The following DNAJC1 variants were observed in gnomAD, a reference collection of about 807,000 sequenced individuals.
The protein encoded by DNAJC1 is DnaJ heat shock protein family (Hsp40) member C1, also known as dnaJ homolog subfamily C member 1.
DNAJC1 carries 58 observed loss-of-function variants against 76.6 expected under a neutral mutation model. The ratio of observed to expected loss-of-function variants is 0.76; its 90% CI spans 0.61 to 0.94. The LOEUF (loss-of-function observed/expected upper bound fraction) is 0.94. Ranked by LOEUF, DNAJC1 falls within the 40% of genes least tolerant of loss-of-function variation. The pLI, the probability that DNAJC1 is intolerant of heterozygous loss-of-function variation, is 0.00. For missense variants in DNAJC1, 689 were observed against 677.3 expected (o/e 1.02, Z -0.19); for synonymous variants, 258 against 267.9 (o/e 0.96, Z 0.36).
chr10:21,846,076 T>G (rs897425632), intron 8 of DNAJC1, among the ~76,000 whole-genome samples: 1 of 152,198 alleles, frequency 6.6e-6, no homozygotes, highest in Non-Finnish European at 1.5e-5. Context: ...ACTGGTATAA[T>G]GATTAAAAGT....
chr10:21,983,909 G>A (rs2131840172), intron 1 of DNAJC1, among the ~76,000 whole-genome samples: 1 of 152,144 alleles, frequency 6.6e-6, no homozygotes. Flanking sequence ...ATACTTTAAA[G>A]CAGTTAAAAT....
At chr10:21,934,429 G>A (rs1195871339) in intron 1 of DNAJC1, among the ~76,000 whole-genome samples, 2 of 152,068 alleles carry the variant, frequency 1.3e-5, no homozygotes, top group African/African-American at 2.4e-5. Flanking sequence ...TGTTGTCTAA[G>A]TGTACAGTGT....
intron 1 of DNAJC1, among the ~76,000 whole-genome samples, chr10:21,954,362 A>G (rs1189752467): frequency 6.6e-6 from 1 of 152,198 alleles, no homozygotes; most frequent in Non-Finnish European, 1.5e-5. Flanking sequence ...AGAAGTGAAG[A>G]AAGATCAGAA....
intron 8 of DNAJC1, among the ~76,000 whole-genome samples, chr10:21,834,757 G>A (rs1835421817): frequency 6.6e-6 from 1 of 152,220 alleles, no homozygotes; most frequent in Non-Finnish European, 1.5e-5. Context: ...CTGCAAGGTG[G>A]CAGCGAGGCT....
At chr10:21,837,785 G>C (rs1163115378) in intron 8 of DNAJC1, among the ~76,000 whole-genome samples, 1 of 148,958 alleles carries the variant, frequency 6.7e-6, no homozygotes. Flanking sequence ...GAGGTAGGGG[G>C]CAGCCCCCGC....
chr10:21,819,705 A>G (rs1471393611), intron 8 of DNAJC1, among the ~76,000 whole-genome samples: 1 of 151,942 alleles, frequency 6.6e-6, no homozygotes, highest in Non-Finnish European at 1.5e-5. Context: ...TGAGGCGGGT[A>G]GATCACCTGA....
chr10:21,779,950 A>C (rs1261779942), intron 9 of DNAJC1, among the ~76,000 whole-genome samples: 1 of 152,226 alleles, frequency 6.6e-6, no homozygotes, highest in Non-Finnish European at 1.5e-5. Flanking sequence ...TGATGCATGC[A>C]CAAGTTTCAG....
At chr10:21,980,782 T>C (rs535288209) in intron 1 of DNAJC1, among the ~76,000 whole-genome samples, 4 of 152,122 alleles carry the variant, frequency 2.6e-5, no homozygotes, top group African/African-American at 9.7e-5. Flanking sequence ...AAATGAAAAA[T>C]TATACATAAA....
intron 9 of DNAJC1, among the ~76,000 whole-genome samples, chr10:21,804,584 T>C (rs1313085634): frequency 1.3e-5 from 2 of 151,418 alleles, no homozygotes; most frequent in African/African-American, 4.9e-5. Context: ...TCCAGTAACA[T>C]GTTTAGCTGA....
chr10:21,942,444 G>A (rs544688094), intron 1 of DNAJC1, among the ~76,000 whole-genome samples: 1 of 152,198 alleles, frequency 6.6e-6, no homozygotes, highest in East Asian at 1.9e-4. Flanking sequence ...CAAAATTATA[G>A]AGAATTTGAA....
intron 1 of DNAJC1, among the ~76,000 whole-genome samples, chr10:21,981,490 T>C (rs185143027): frequency 1.0e-3 from 158 of 152,294 alleles, no homozygotes; most frequent in African/African-American, 3.4e-3. Flanking sequence ...AGGTAACATT[T>C]AAATAGTAAG....
At chr10:21,805,170 C>G (rs1834868803) in intron 9 of DNAJC1, among the ~76,000 whole-genome samples, 1 of 151,938 alleles carries the variant, frequency 6.6e-6, no homozygotes, top group Non-Finnish European at 1.5e-5. Flanking sequence ...CAGTAACCCT[C>G]TAAGTATTTT....
At chr10:21,785,100 A>C (rs2131630404) in intron 9 of DNAJC1, among the ~76,000 whole-genome samples, 1 of 152,314 alleles carries the variant, frequency 6.6e-6, no homozygotes, top group South Asian at 2.1e-4. Flanking sequence ...AAAAAGTCTT[A>C]TTTATAAATC....
chr10:21,790,010 T>TAAAAAAAAAAAAAAAAAAAAAAAAA lies in DNAJC1; in HGVS notation c.1098+15945_1098+15969dup, dbSNP rs35639440. On this transcript the variant is annotated intron_variant, in intron 9 of 11. Transcript: ENST00000376980. ...GGGCAACACAGCAAGGCTCTGTCTT[T>TAAAAAAAAAAAAAAAAAAAAAAAAA]AAAAAAAAAAAAAAAAAAAAAAAAA... 7.3e-5 allele frequency among the ~76,000 whole-genome samples: 3 copies of TAAAAAAAAAAAAAAAAAAAAAAAAA among 41,092 alleles called. 1 individual carries two copies. The highest frequency in any genetic ancestry group is 1.2e-4 in the African/African-American group (1 of 8,412). 27.0% of individuals were successfully genotyped at this position (41,092 alleles called of 152,430 possible).
chr10:21,884,984 A>G (rs1272106446), intron 7 of DNAJC1, among the ~76,000 whole-genome samples: 2 of 152,088 alleles, frequency 1.3e-5, no homozygotes, highest in Non-Finnish European at 2.9e-5. Context: ...CCAGCTAACA[A>G]TACAATGACA....
At chr10:21,881,390 C>T (rs1195453174) in intron 8 of DNAJC1, among the ~76,000 whole-genome samples, 1 of 152,160 alleles carries the variant, frequency 6.6e-6, no homozygotes, top group Non-Finnish European at 1.5e-5. Flanking sequence ...CCTATCTTGG[C>T]TTTCAACCAT....
At chr10:21,788,525 C>T (rs1242119050) in intron 9 of DNAJC1, among the ~76,000 whole-genome samples, 1 of 152,214 alleles carries the variant, frequency 6.6e-6, no homozygotes, top group Non-Finnish European at 1.5e-5. Flanking sequence ...ATGGTCTGGG[C>T]TGTTAAGACA....
intron 8 of DNAJC1, among the ~76,000 whole-genome samples, chr10:21,809,950 G>A (rs1834938082): frequency 6.6e-6 from 1 of 151,184 alleles, no homozygotes; most frequent in South Asian, 2.1e-4. Context: ...ATGTGTGTGT[G>A]TATGTGTGTG....
chr10:21,990,046 T>C (rs1838303873), intron 1 of DNAJC1, among the ~76,000 whole-genome samples: 1 of 152,240 alleles, frequency 6.6e-6, no homozygotes, highest in Admixed American at 6.5e-5. Flanking sequence ...ATGACAGGTT[T>C]GAAGCAGATA....
Sources: gnomAD v4.1 joint callset for allele counts (sites outside exome capture counted in the v4.1 genomes callset) on GRCh38, gnomAD v4.1.1 for gene constraint, MANE v1.5 for transcripts, NCBI Gene and HGNC (gene_info 2026-07-23, HGNC 2026-07-21) for gene names.